The following EPHA3 variants were observed in gnomAD, a reference collection of about 807,000 sequenced individuals.
EPHA3 encodes ephrin type-A receptor 3.
In EPHA3, 42 loss-of-function variants were observed where a neutral mutation model predicts 107.1. The ratio of observed to expected loss-of-function variants is 0.39; its 90% CI spans 0.31 to 0.51. The LOEUF is 0.51. Ranked by LOEUF, EPHA3 falls within the 20% of genes least tolerant of loss-of-function variation. The pLI is 0.78. For missense variants in EPHA3, 1,183 were observed against 1,211.2 expected, an observed-to-expected ratio of 0.98 and a Z score of 0.35; for synonymous variants, 461 against 424.8, an observed-to-expected ratio of 1.09 and a Z score of -1.05.
chr3:89,450,375 C>G lies in EPHA3; in HGVS notation c.2690+5C>G, dbSNP rs766385911. ...CATCACCAGTGCAGCCGCAAGGTGA[C>G]ACATTCAATTTGTTATCTGGCATTC... On this transcript the variant is annotated splice_donor_5th_base_variant and intron_variant, in intron 15 of 16. Coordinates refer to ENST00000336596, the MANE Select transcript of EPHA3 (RefSeq NM_005233.6). 9.7e-5 allele frequency: 155 copies of G among 1,604,698 alleles called. No individual in the cohort carries two copies. Among genetic ancestry groups the G allele is most frequent in the Non-Finnish European group, 1.0e-4 (120 of 1,174,360 alleles).
At chr3:89,334,168 A>G (rs1392326205) in intron 3 of EPHA3, among the ~76,000 whole-genome samples, 7 of 152,224 alleles carry the variant, frequency 4.6e-5, no homozygotes, top group Non-Finnish European at 8.8e-5. Flanking sequence ...TGATGAAAGT[A>G]TAACAGGGAA....
At chr3:89,127,107 G>A (rs1050873888) in intron 1 of EPHA3, 102 bp from the exon 2 acceptor site, 50 of 870,038 alleles carry the variant, frequency 5.7e-5, no homozygotes, top group Non-Finnish European at 8.3e-5. Flanking sequence ...GAAGAGTTAT[G>A]TTTTTTGAGC....
At chr3:89,393,203 T>C (rs1246645646) in intron 5 of EPHA3, among the ~76,000 whole-genome samples, 3 of 152,158 alleles carry the variant, frequency 2.0e-5, no homozygotes, top group Non-Finnish European at 4.4e-5. Flanking sequence ...AACATAGCGA[T>C]GGCACAAGCT....
chr3:89,461,134 T>C (rs1397395903), intron 15 of EPHA3, among the ~76,000 whole-genome samples: 2 of 90,534 alleles, frequency 2.2e-5, no homozygotes, highest in East Asian at 5.4e-4. Context: ...ATTTCATCCA[T>C]GTCCCTACAA....
chr3:89,255,208 A>C (rs755490339), intron 3 of EPHA3, among the ~76,000 whole-genome samples: 81 of 152,230 alleles, frequency 5.3e-4, no homozygotes, highest in Non-Finnish European at 1.0e-3. Flanking sequence ...TCAAGACGGA[A>C]GTCTATGGTA....
chr3:89,227,018 C>T (rs1364979499), intron 3 of EPHA3, among the ~76,000 whole-genome samples: 2 of 151,890 alleles, frequency 1.3e-5, no homozygotes, highest in Non-Finnish European at 2.9e-5. Flanking sequence ...ATACACCTTA[C>T]ACAATAAATT....
intron 5 of EPHA3, among the ~76,000 whole-genome samples, chr3:89,381,620 G>A (rs951721062): frequency 1.3e-5 from 2 of 151,794 alleles, no homozygotes; most frequent in African/African-American, 2.4e-5. Flanking sequence ...AATGAGCCAA[G>A]ATTATATCAC....
At chr3:89,420,710 C>T (rs1485107186) in intron 11 of EPHA3, among the ~76,000 whole-genome samples, 2 of 151,400 alleles carry the variant, frequency 1.3e-5, no homozygotes, top group Non-Finnish European at 3.0e-5. Context: ...TATCATGTCT[C>T]ATTGGGATTT....
chr3:89,310,187 T>C (rs888799565), intron 3 of EPHA3, among the ~76,000 whole-genome samples: 1 of 152,058 alleles, frequency 6.6e-6, no homozygotes, highest in Non-Finnish European at 1.5e-5. Flanking sequence ...GGGTTCTTTA[T>C]ATATAAAGCA....
At chr3:89,167,289 A>G (rs1416395651) in intron 2 of EPHA3, among the ~76,000 whole-genome samples, 1 of 152,174 alleles carries the variant, frequency 6.6e-6, no homozygotes, top group Non-Finnish European at 1.5e-5. Context: ...ATTTTTTCAA[A>G]TATAAAATAC....
intron 11 of EPHA3, among the ~76,000 whole-genome samples, chr3:89,422,583 A>G (rs1325811080): frequency 6.6e-6 from 1 of 151,420 alleles, no homozygotes; most frequent in East Asian, 1.9e-4. Context: ...TTTAGATACT[A>G]AAGATCAAAT....
chr3:89,171,755 A>G (rs535606268), intron 2 of EPHA3, among the ~76,000 whole-genome samples: 4 of 152,320 alleles, frequency 2.6e-5, no homozygotes, highest in Middle Eastern at 6.8e-3. Flanking sequence ...TGAACAAAAG[A>G]CAACACATAA....
intron 5 of EPHA3, among the ~76,000 whole-genome samples, chr3:89,377,100 CA>C (rs768351795): frequency 6.6e-6 from 1 of 151,882 alleles, no homozygotes; most frequent in African/African-American, 2.4e-5. Context: ...TTTTTTAGTT[CA>C]AAACTTTCAT....
intron 3 of EPHA3, among the ~76,000 whole-genome samples, chr3:89,302,642 C>A (rs1706518537): frequency 6.6e-6 from 1 of 152,080 alleles, no homozygotes; most frequent in Non-Finnish European, 1.5e-5. Flanking sequence ...ACCCTTCTCT[C>A]CACATGTTTT....
intron 1 of EPHA3, among the ~76,000 whole-genome samples, chr3:89,113,483 T>TAAAAA (rs71621525): frequency 1.1e-3 from 3 of 2,674 alleles, no homozygotes; most frequent in African/African-American, 1.8e-3. Flanking sequence ...GCTTCCTTTG[T>TAAAAA]ACAAAAAAAA....
chr3:89,365,116 G>C (rs1216507461), intron 5 of EPHA3, among the ~76,000 whole-genome samples: 3 of 150,786 alleles, frequency 2.0e-5, no homozygotes, highest in Non-Finnish European at 3.0e-5. Flanking sequence ...CCATAATAAA[G>C]AAAAAGAATG....
At chr3:89,201,877 G>A (rs1023385000) in intron 2 of EPHA3, among the ~76,000 whole-genome samples, 2 of 152,120 alleles carry the variant, frequency 1.3e-5, no homozygotes, top group African/African-American at 4.8e-5. Flanking sequence ...TGTTAAGTGT[G>A]AACTTCAAGT....
intron 3 of EPHA3, among the ~76,000 whole-genome samples, chr3:89,215,011 A>G (rs1704191141): frequency 6.6e-6 from 1 of 151,938 alleles, no homozygotes; most frequent in Non-Finnish European, 1.5e-5. Context: ...GTTGGAAAGG[A>G]TATACCAATA....
rs1706220149 is a variant in EPHA3 at position 89,209,678 on chromosome 3, C to G, written c.154-182C>G. Among the ~76,000 whole-genome samples, 4 of 152,166 alleles carry G rather than the reference C, an allele frequency of 2.6e-5. 1 individual carries two copies. The South Asian group carries it at 8.3e-4, about 32-fold the overall frequency. On this transcript the variant is annotated intron_variant, in intron 2 of 16. Coordinates refer to ENST00000336596, the MANE Select transcript of EPHA3 (RefSeq NM_005233.6). ...TGTAACGCAATTGAAATGTGTTCATCAAAATTATAAATTACTTTATGTCCA... is the reference window on the plus strand; with the variant it reads ...TGTAACGCAATTGAAATGTGTTCATGAAAATTATAAATTACTTTATGTCCA...
Sources: allele counts gnomAD v4.1 joint callset (sites outside exome capture counted in the v4.1 genomes callset), GRCh38; gene constraint gnomAD v4.1.1; transcripts MANE v1.5; gene names NCBI Gene and HGNC (gene_info 2026-07-23, HGNC 2026-07-21).